The following CACNG4 variants were observed in gnomAD, a reference collection of about 807,000 sequenced individuals.
CACNG4 encodes voltage-dependent calcium channel gamma-4 subunit.
In CACNG4, 8 loss-of-function variants were observed where a neutral mutation model predicts 22.9. The observed-to-expected ratio is 0.35, with a 90% CI of 0.21 to 0.63. The LOEUF is 0.63. CACNG4 is among the 30% of genes least tolerant of loss of function. CACNG4 has a pLI of 0.72. For synonymous variants in CACNG4, 188 were observed against 191.9 expected (o/e 0.98, Z 0.17); for missense variants, 357 against 455.4 (o/e 0.78, Z 1.97).
chr17:67,007,853 G>A (rs2035446454), intron 1 of CACNG4, among the ~76,000 whole-genome samples: 1 of 152,228 alleles, frequency 6.6e-6, no homozygotes, highest in Admixed American at 6.5e-5. Context: ...GTTCCACAGA[G>A]TGATTCAGGG....
At position 67,033,130 on chromosome 17, in the gene CACNG4, T is replaced by G. The variant is rs2035619609; in HGVS notation, c.*2126T>G. On this transcript the variant is annotated 3_prime_UTR_variant, in exon 4 of 4. Transcript: ENST00000262138. ...CAAAACCACCTCAGACACCCGGGCC[T>G]TCTCAGCCTTCTCCCCGCGGCCAGC... 1 of 152,598 alleles carries G rather than the reference T, an allele frequency of 6.6e-6. No individual in the cohort carries two copies. Among genetic ancestry groups the G allele is most frequent in the Non-Finnish European group, 1.5e-5 (1 of 68,146 alleles). 9.5% of individuals were successfully genotyped at this position (152,598 alleles called of 1,614,324 possible). A position where few individuals can be genotyped will look rare whatever the true frequency, so the allele number is the denominator to read the frequency against.
chr17:67,008,898 G>A (rs745679782), intron 1 of CACNG4, among the ~76,000 whole-genome samples: 4 of 152,050 alleles, frequency 2.6e-5, no homozygotes, highest in Non-Finnish European at 5.9e-5. Flanking sequence ...GCAGTGAGCC[G>A]AGATCGCGCC....
intron 1 of CACNG4, among the ~76,000 whole-genome samples, chr17:66,973,960 CT>C (rs1169294339): frequency 2.0e-5 from 3 of 152,184 alleles, no homozygotes; most frequent in Non-Finnish European, 4.4e-5. Context: ...AGACAAAGGA[CT>C]TTTTTTCTAG....
chr17:66,969,983 G>T (rs1261744639), intron 1 of CACNG4, among the ~76,000 whole-genome samples: 1 of 152,154 alleles, frequency 6.6e-6, no homozygotes, highest in African/African-American at 2.4e-5. Flanking sequence ...CTTCCCTGAC[G>T]CGCTAAGTAC....
At chr17:67,008,627 C>T (rs1312709860) in intron 1 of CACNG4, among the ~76,000 whole-genome samples, 1 of 152,126 alleles carries the variant, frequency 6.6e-6, no homozygotes, top group Non-Finnish European at 1.5e-5. Context: ...ATGTTGAAGT[C>T]CTAACCCCAG....
At chr17:67,009,291 C>A (rs1194527135) in intron 1 of CACNG4, among the ~76,000 whole-genome samples, 1 of 152,142 alleles carries the variant, frequency 6.6e-6, no homozygotes, top group Non-Finnish European at 1.5e-5. Flanking sequence ...AAAGTAACCC[C>A]AGAAAACTAA....
At chr17:66,976,115 C>T (rs1364384783) in intron 1 of CACNG4, among the ~76,000 whole-genome samples, 1 of 152,106 alleles carries the variant, frequency 6.6e-6, no homozygotes, top group Non-Finnish European at 1.5e-5. Context: ...CGTCAGGTGA[C>T]CTCCCAGTGT....
intron 1 of CACNG4, among the ~76,000 whole-genome samples, chr17:67,010,874 G>A (rs1020966153): frequency 6.6e-6 from 1 of 152,154 alleles, no homozygotes; most frequent in South Asian, 2.1e-4. Context: ...TTGGCAGGAG[G>A]ACAGAGAGAC....
At chr17:66,974,357 C>T (rs2035223037) in intron 1 of CACNG4, among the ~76,000 whole-genome samples, 1 of 152,150 alleles carries the variant, frequency 6.6e-6, no homozygotes, top group African/African-American at 2.4e-5. Flanking sequence ...AAAAACGATG[C>T]CCCTTATTCG....
At chr17:66,986,749 AC>A (rs2035307569) in intron 1 of CACNG4, among the ~76,000 whole-genome samples, 1 of 152,112 alleles carries the variant, frequency 6.6e-6, no homozygotes, top group African/African-American at 2.4e-5. Context: ...TAGAAGCATC[AC>A]CTTCGTCTCC....
At chr17:66,969,325 C>T (rs1221078336) in intron 1 of CACNG4, among the ~76,000 whole-genome samples, 1 of 152,236 alleles carries the variant, frequency 6.6e-6, no homozygotes, top group Non-Finnish European at 1.5e-5. Context: ...GAGAAGGGTC[C>T]TGGCGCCTCA....
At chr17:66,971,010 C>A (rs1426606404) in intron 1 of CACNG4, among the ~76,000 whole-genome samples, 2 of 152,334 alleles carry the variant, frequency 1.3e-5, no homozygotes, top group East Asian at 3.9e-4. Context: ...TCACCAGACC[C>A]TGAGTGTCAG....
chr17:66,967,896 A>C (rs997504041), intron 1 of CACNG4, among the ~76,000 whole-genome samples: 3 of 152,116 alleles, frequency 2.0e-5, no homozygotes, highest in African/African-American at 7.2e-5. Context: ...TGGCAGGGCT[A>C]CGTGCAAAAG....
At chr17:67,028,057 A>T (rs2035578730) in intron 3 of CACNG4, among the ~76,000 whole-genome samples, 1 of 151,136 alleles carries the variant, frequency 6.6e-6, no homozygotes, top group Non-Finnish European at 1.5e-5. Flanking sequence ...CTAGTAGGGT[A>T]AAAAAAAACC....
At chr17:67,023,088 G>T (rs991796856) in intron 2 of CACNG4, among the ~76,000 whole-genome samples, 1 of 151,992 alleles carries the variant, frequency 6.6e-6, no homozygotes, top group Non-Finnish European at 1.5e-5. Context: ...GAGGTGGTTG[G>T]CACTCCTTGG....
At chr17:67,028,041 A>T (rs2035578562) in intron 3 of CACNG4, among the ~76,000 whole-genome samples, 1 of 151,974 alleles carries the variant, frequency 6.6e-6, no homozygotes, top group Non-Finnish European at 1.5e-5. Context: ...ATAAATAAAA[A>T]GCGAACTAGT....
At position 67,018,184 on chromosome 17, in the gene CACNG4, T is replaced by C. The variant is rs138208538; in HGVS notation, c.221-5T>C. On this transcript the variant is annotated splice_region_variant and splice_polypyrimidine_tract_variant and intron_variant, in intron 1 of 3. Coordinates refer to ENST00000262138, the MANE Select transcript of CACNG4 (RefSeq NM_014405.4). ...ACAGTGTTCTTTTCCTCTCGTTCCT[T>C]CCAGGGATCTATAAAGGGCACTGCT... 1.2e-4 allele frequency: 196 copies of C among 1,611,232 alleles called. No homozygotes were observed. In the Middle Eastern group the frequency reaches 4.8e-3, roughly 39 times the overall value.
At chr17:66,994,299 C>A (rs1453551460) in intron 1 of CACNG4, among the ~76,000 whole-genome samples, 1 of 150,476 alleles carries the variant, frequency 6.6e-6, no homozygotes, top group East Asian at 2.0e-4. Context: ...TGCACTCCAG[C>A]CTGGGTGACA....
At chr17:67,001,268 C>G (rs955516499) in intron 1 of CACNG4, among the ~76,000 whole-genome samples, 1 of 152,098 alleles carries the variant, frequency 6.6e-6, no homozygotes, top group Non-Finnish European at 1.5e-5. Context: ...TTATAAATTA[C>G]CCAGTCTGGG....
Sources: allele counts gnomAD v4.1 joint callset (sites outside exome capture counted in the v4.1 genomes callset), GRCh38; gene constraint gnomAD v4.1.1; transcripts MANE v1.5; gene names NCBI Gene and HGNC (gene_info 2026-07-23, HGNC 2026-07-21).